SCFD2: variants seen among roughly 807,000 people sequenced by gnomAD.
SCFD2 encodes sec1 family domain containing 2.
A neutral mutation model predicts 58.9 loss-of-function variants in SCFD2; 54 were observed. The ratio of observed to expected loss-of-function variants is 0.92; its 90% CI spans 0.74 to 1.15. SCFD2 has a LOEUF of 1.15. Among genes scored for constraint, SCFD2 ranks in the 50% most tolerant of loss-of-function variants. The pLI is 0.00. For synonymous variants in SCFD2, 321 were observed against 335.9 expected (o/e 0.96, Z 0.49); for missense variants, 805 against 836.6 (o/e 0.96, Z 0.47).
At chr4:53,281,974 T>C (rs575844626) in intron 3 of SCFD2, among the ~76,000 whole-genome samples, 1 of 152,344 alleles carries the variant, frequency 6.6e-6, no homozygotes, top group Admixed American at 6.5e-5. Context: ...ATTACTAAAC[T>C]ATTATGTGCT....
At chr4:53,305,503 C>G (rs1732484921) in intron 3 of SCFD2, among the ~76,000 whole-genome samples, 1 of 152,132 alleles carries the variant, frequency 6.6e-6, no homozygotes, top group East Asian at 1.9e-4. Context: ...TACAAAGTAC[C>G]AGCTGTTTTG....
intron 5 of SCFD2, among the ~76,000 whole-genome samples, chr4:52,986,491 ATTTTTT>A (rs369944739): frequency 5.9e-5 from 5 of 84,924 alleles, no homozygotes; most frequent in Admixed American, 1.7e-4. Context: ...TCTTCATGAA[ATTTTTT>A]TTTTTTTTTT....
intron 3 of SCFD2, among the ~76,000 whole-genome samples, chr4:53,287,479 C>T (rs548797537): frequency 3.9e-4 from 59 of 152,236 alleles, no homozygotes; most frequent in Admixed American, 1.2e-3. Flanking sequence ...ATAATCATCA[C>T]TGACATTGAT....
intron 3 of SCFD2, among the ~76,000 whole-genome samples, chr4:53,290,968 C>T (rs1302119209): frequency 1.3e-5 from 2 of 152,034 alleles, no homozygotes; most frequent in Admixed American, 6.6e-5. Flanking sequence ...AACTTTCCAA[C>T]AAAGAAAAGC....
chr4:53,085,246 C>A (rs1200862200), intron 5 of SCFD2, among the ~76,000 whole-genome samples: 2 of 151,806 alleles, frequency 1.3e-5, no homozygotes, highest in Non-Finnish European at 2.9e-5. Context: ...CAACAGTGAA[C>A]AATCTGAAAA....
chr4:53,299,639 T>C (rs1732195519), intron 3 of SCFD2, among the ~76,000 whole-genome samples: 2 of 151,902 alleles, frequency 1.3e-5, no homozygotes, highest in Non-Finnish European at 2.9e-5. Context: ...CCAAGACACA[T>C]AATTGTCAGA....
intron 5 of SCFD2, among the ~76,000 whole-genome samples, chr4:53,078,383 T>C (rs111783485): frequency 1.7e-4 from 26 of 152,312 alleles, no homozygotes; most frequent in African/African-American, 6.0e-4. Flanking sequence ...TCTAAAAATG[T>C]TAAGAGCACA....
chr4:53,263,797 C>T (rs1381086916), intron 4 of SCFD2, among the ~76,000 whole-genome samples: 1 of 152,100 alleles, frequency 6.6e-6, no homozygotes, highest in Admixed American at 6.6e-5. Flanking sequence ...GCAAACTTGC[C>T]CCATGGTTGC....
chr4:52,906,059 A>G lies in SCFD2; in HGVS notation c.1842+1398T>C, dbSNP rs995052401. Among the ~76,000 whole-genome samples the G allele has an allele frequency of 2.0e-5, 3 of 152,204 alleles. 1 individual carries two copies. Among genetic ancestry groups the G allele is most frequent in the Admixed American group, 2.0e-4 (3 of 15,288 alleles). The stretch of plus-strand genomic sequence containing the variant: ...TTGATCAAAGATCCCTTTGGCTAAG[A>G]AACAGTTATTTCTGTGGAACATCTT... On this transcript the variant is annotated intron_variant, in intron 7 of 8. Transcript: ENST00000401642.
At chr4:53,292,707 A>G (rs1306118671) in intron 3 of SCFD2, among the ~76,000 whole-genome samples, 2 of 152,188 alleles carry the variant, frequency 1.3e-5, no homozygotes, top group Non-Finnish European at 2.9e-5. Context: ...CTGGGTATAT[A>G]CCCAAAGGAA....
At chr4:53,145,121 A>C (rs1423776928) in intron 5 of SCFD2, among the ~76,000 whole-genome samples, 1 of 152,166 alleles carries the variant, frequency 6.6e-6, no homozygotes, top group Non-Finnish European at 1.5e-5. Context: ...TCATGAAACC[A>C]TGCACCTCCA....
At chr4:53,078,230 G>C (rs905460996) in intron 5 of SCFD2, among the ~76,000 whole-genome samples, 1 of 152,120 alleles carries the variant, frequency 6.6e-6, no homozygotes, top group Non-Finnish European at 1.5e-5. Flanking sequence ...GAAAGCAGCA[G>C]ACAATGGGAT....
intron 2 of SCFD2, among the ~76,000 whole-genome samples, chr4:53,335,904 G>A (rs770425780): frequency 7.2e-5 from 11 of 152,032 alleles, no homozygotes; most frequent in African/African-American, 2.4e-4. Flanking sequence ...AAAATTATGC[G>A]GGGTATTGTT....
At chr4:52,974,922 C>G (rs1054084157) in intron 5 of SCFD2, among the ~76,000 whole-genome samples, 45 of 152,144 alleles carry the variant, frequency 3.0e-4, no homozygotes, top group African/African-American at 8.9e-4. Flanking sequence ...AATGGGGAAA[C>G]GATTCCCTAT....
At chr4:53,118,508 A>C (rs1365861030) in intron 5 of SCFD2, among the ~76,000 whole-genome samples, 1 of 152,222 alleles carries the variant, frequency 6.6e-6, no homozygotes, top group African/African-American at 2.4e-5. Flanking sequence ...CTTTGAAAAC[A>C]TGACATCTCA....
At chr4:52,907,169 A>C (rs533164382) in intron 7 of SCFD2, among the ~76,000 whole-genome samples, 1 of 152,220 alleles carries the variant, frequency 6.6e-6, no homozygotes, top group Non-Finnish European at 1.5e-5. Context: ...ATAGGCTGCA[A>C]GGAGGAGAGT....
intron 4 of SCFD2, among the ~76,000 whole-genome samples, chr4:53,208,235 A>T (rs1560385823): frequency 6.6e-6 from 1 of 151,968 alleles, no homozygotes; most frequent in Non-Finnish European, 1.5e-5. Flanking sequence ...GGCCTCCCAA[A>T]GTCCTGGGCC....
At chr4:53,097,665 A>G (rs114640631) in intron 5 of SCFD2, among the ~76,000 whole-genome samples, 1,735 of 152,262 alleles carry the variant, frequency 0.011, 18 homozygotes, top group Middle Eastern at 0.034. Context: ...CTGCAAAGAG[A>G]GACAATTTGA....
chr4:53,322,172 T>C (rs1733043987), intron 2 of SCFD2, among the ~76,000 whole-genome samples: 1 of 152,044 alleles, frequency 6.6e-6, no homozygotes, highest in Non-Finnish European at 1.5e-5. Context: ...CAGGATGAGA[T>C]AGGAGGTTAG....
Sources: allele counts gnomAD v4.1 joint callset (sites outside exome capture counted in the v4.1 genomes callset), GRCh38; gene constraint gnomAD v4.1.1; transcripts MANE v1.5; gene names NCBI Gene and HGNC (gene_info 2026-07-23, HGNC 2026-07-21).